The following PRC1 variants were observed in gnomAD, a reference collection of about 807,000 sequenced individuals.
The protein encoded by PRC1 is anaphase spindle elongation 1 homolog.
In PRC1, 54 loss-of-function variants were observed where a neutral mutation model predicts 91.2. The ratio of observed to expected loss-of-function variants is 0.59; its 90% CI spans 0.48 to 0.74. The LOEUF is 0.74. Ranked by LOEUF, PRC1 falls within the 30% of genes least tolerant of loss-of-function variation. PRC1 has a pLI of 0.00. For synonymous variants in PRC1, 275 were observed against 263.6 expected (o/e 1.04, Z -0.42); for missense variants, 727 against 746.2 (o/e 0.97, Z 0.30).
In PRC1 at chr15:90,974,603, CTCTT is replaced by C; in HGVS notation, c.1328_1331del (p.Lys443ArgfsTer9). 1 of 1,614,224 alleles carries C rather than the reference CTCTT, an allele frequency of 6.2e-7. No individual in the cohort carries two copies. Among genetic ancestry groups the C allele is most frequent in the Non-Finnish European group, 8.5e-7 (1 of 1,180,044 alleles). Reference sequence around the variant, plus strand: ...CACTTACTCTTTCCTGCTTGGCTCTCTCTTTCTCCAATCGATGCATCTCCCATTG... The same window carrying C: ...CACTTACTCTTTCCTGCTTGGCTCTCTCTCCAATCGATGCATCTCCCATTG... On this transcript the variant is annotated frameshift_variant, in exon 10 of 15. Coordinates refer to ENST00000394249, the MANE Select transcript of PRC1 (RefSeq NM_003981.4). LOFTEE classifies it high-confidence loss of function. This position sits in a 1 kb window ranked among gnomAD's most constrained non-coding sequence, Gnocchi z 4.6.
chr15:90,968,928 G>C, intron 14 of PRC1, 151 bp downstream of exon 14: 1 of 1,475,996 alleles, frequency 6.8e-7, no homozygotes, highest in Non-Finnish European at 9.0e-7. Flanking sequence ...ATGTAAATCA[G>C]ATGTGTTTTT....
At chr15:90,976,058 G>A (rs2038661904) in intron 9 of PRC1, among the ~76,000 whole-genome samples, 1 of 151,998 alleles carries the variant, frequency 6.6e-6, no homozygotes, top group Admixed American at 6.6e-5. Flanking sequence ...TGCTGTTGTC[G>A]AAACTGCCCA....
rs1596293111 is a variant in PRC1 at position 90,974,250 on chromosome 15, T to C, written c.1351-4A>G. On this transcript the variant is annotated splice_region_variant and splice_polypyrimidine_tract_variant and intron_variant, in intron 10 of 14. Coordinates refer to ENST00000394249, the MANE Select transcript of PRC1 (RefSeq NM_003981.4). This position sits in a 1 kb window ranked among gnomAD's most constrained non-coding sequence, Gnocchi z 4.6. The stretch of plus-strand genomic sequence containing the variant: ...TCTGTTTTTTGTTCTTCAGTTGCTG[T>C]GTGAAAGTCAGAAGCAACAGTGATA... 6.2e-7 allele frequency: 1 copy of C among 1,609,832 alleles called. No homozygotes were observed. Among genetic ancestry groups the C allele is most frequent in the Non-Finnish European group, 8.5e-7 (1 of 1,176,106 alleles).
chr15:90,983,897 A>G lies in PRC1; in HGVS notation c.267+121T>C. On this transcript the variant is annotated intron_variant, in intron 3 of 14. Coordinates refer to ENST00000394249, the MANE Select transcript of PRC1 (RefSeq NM_003981.4). ...ATTAACTACACAGCATGTTTTCCCC[A>G]CTTCTTACGTCTAGCTCCATCCCTA... is the stretch of plus-strand genomic sequence containing the variant. The G allele has an allele frequency of 4.5e-6, 6 of 1,326,672 alleles. No individual in the cohort carries two copies. The South Asian group carries it at 9.4e-5, about 21-fold the overall frequency. The allele number at this position is 1,326,672 out of a possible 1,614,324, so 82.2% of individuals were successfully genotyped here. A position where few individuals can be genotyped will look rare whatever the true frequency, so the allele number is the denominator to read the frequency against.
chr15:90,976,726 G>GA lies in PRC1; in HGVS notation c.1152dup (p.Leu385SerfsTer27). 1.9e-6 allele frequency: 3 copies of GA among 1,613,698 alleles called. No homozygotes were observed. The highest frequency in any genetic ancestry group is 2.5e-6 in the Non-Finnish European group (3 of 1,179,710). ...GCTCGTTGTTTTTCTTCTTTTAGAA[G>GA]ATTTCCTCCTCGGTTTGTAAATCGA... On this transcript the variant is annotated frameshift_variant, in exon 9 of 15. Coordinates refer to ENST00000394249, the MANE Select transcript of PRC1 (RefSeq NM_003981.4). LOFTEE classifies it high-confidence loss of function.
At chr15:90,987,002 G>A (rs60212588) in intron 1 of PRC1, among the ~76,000 whole-genome samples, 1,574 of 151,562 alleles carry the variant, frequency 0.01, 28 homozygotes, top group African/African-American at 0.036. Flanking sequence ...GGCCAGGCAC[G>A]GTAGTTCACG....
At chr15:90,986,991 T>C (rs112599688) in intron 1 of PRC1, among the ~76,000 whole-genome samples, 1 of 151,334 alleles carries the variant, frequency 6.6e-6, no homozygotes, top group African/African-American at 2.4e-5. Flanking sequence ...CAGGCAAAAC[T>C]GGCCAGGCAC....
At chr15:90,972,341 C>T (rs1381663319) in intron 11 of PRC1, among the ~76,000 whole-genome samples, 1 of 152,010 alleles carries the variant, frequency 6.6e-6, no homozygotes, top group African/African-American at 2.4e-5. Flanking sequence ...CATGATGGCG[C>T]CACTGCACTC....
intron 9 of PRC1, among the ~76,000 whole-genome samples, chr15:90,975,378 G>C (rs776395110): frequency 6.6e-6 from 1 of 152,078 alleles, no homozygotes; most frequent in Non-Finnish European, 1.5e-5. Context: ...CACCACGCCC[G>C]GCCAGATTTA....
chr15:90,989,497 C>T (rs1359274029), intron 1 of PRC1, among the ~76,000 whole-genome samples: 6 of 150,076 alleles, frequency 4.0e-5, no homozygotes, highest in East Asian at 2.0e-4. Flanking sequence ...CCTCCCACCT[C>T]GGCCTCCCAA....
intron 1 of PRC1, among the ~76,000 whole-genome samples, chr15:90,989,512 T>C (rs756753848): frequency 2.0e-5 from 3 of 150,830 alleles, no homozygotes; most frequent in Non-Finnish European, 3.0e-5. Context: ...TCCCAAAGTG[T>C]TGGGATAACA....
intron 14 of PRC1, 82 bp from the exon 15 acceptor site, chr15:90,967,284 C>G: frequency 8.5e-7 from 1 of 1,172,222 alleles, no homozygotes; most frequent in Admixed American, 1.8e-5. Context: ...TAAGTGTCAG[C>G]AAAAGGTCCC....
chr15:90,980,794 C>T, intron 6 of PRC1, 90 bp downstream of exon 6: 1 of 1,561,212 alleles, frequency 6.4e-7, no homozygotes, highest in Non-Finnish European at 8.7e-7. Context: ...GCATGAACCA[C>T]TGAGCCTGGC....
At chr15:90,990,980 T>C (rs1030562903) in intron 1 of PRC1, among the ~76,000 whole-genome samples, 7 of 149,888 alleles carry the variant, frequency 4.7e-5, no homozygotes, top group Admixed American at 3.3e-4. Context: ...GGTTTCACCA[T>C]GTTGGTCAGG....
In PRC1 at chr15:90,968,202, G is replaced by C; in HGVS notation, c.1791+877C>G. On this transcript the variant is annotated intron_variant, in intron 14 of 14. Transcript: ENST00000394249. ...GGGCCTTGGTTGAACAAGCGAAAAA[G>C]AGAAAGCTGGACCTCTGTCCAGCAA... The C allele has an allele frequency of 6.1e-6, 6 of 985,430 alleles. No individual in the cohort carries two copies. The South Asian group carries it at 2.8e-4, about 46-fold the overall frequency. The allele number at this position is 985,430 out of a possible 1,614,324, so 61.0% of individuals were successfully genotyped here. A position where few individuals can be genotyped will look rare whatever the true frequency, so the allele number is the denominator to read the frequency against.
rs1280985911 is a variant in PRC1, at chr15:90,974,086, AC to A, written c.1461+49del. ...CCCCTTCAAAGAGGTGGCTGGGACT[AC>A]CCTCACCCACTCCCTTGAAATCAGT... On this transcript the variant is annotated intron_variant, in intron 11 of 14. Transcript: ENST00000394249. The surrounding 1 kb of genome is among the most constrained non-coding windows in gnomAD (Gnocchi z 4.6). 6.6e-7 allele frequency: 1 copy of A among 1,524,526 alleles called. No homozygotes were observed. The highest frequency in any genetic ancestry group is 9.1e-7 in the Non-Finnish European group (1 of 1,099,772). The allele number at this position is 1,524,526 out of a possible 1,614,324, so 94.4% of individuals were successfully genotyped here. A position where few individuals can be genotyped will look rare whatever the true frequency, so the allele number is the denominator to read the frequency against.
At chr15:90,987,397 G>A (rs570569800) in intron 1 of PRC1, among the ~76,000 whole-genome samples, 1 of 152,266 alleles carries the variant, frequency 6.6e-6, no homozygotes, top group African/African-American at 2.4e-5. Flanking sequence ...GCTTACACAG[G>A]TGCATCAACT....
chr15:90,979,721 C>A (rs2039030519), intron 7 of PRC1, among the ~76,000 whole-genome samples: 1 of 152,184 alleles, frequency 6.6e-6, no homozygotes, highest in Non-Finnish European at 1.5e-5. Flanking sequence ...GAGTCAAGCT[C>A]CTTTTGGCTC....
chr15:90,968,081 C>CT (rs2037689625), intron 14 of PRC1: 1 of 985,472 alleles, frequency 1.0e-6, no homozygotes, highest in African/African-American at 1.7e-5. Context: ...TTGGTGCTGC[C>CT]TGGTGGAGTC....
Sources: gnomAD v4.1 joint callset for allele counts (sites outside exome capture counted in the v4.1 genomes callset) on GRCh38, gnomAD v4.1.1 for gene constraint, Gnocchi (gnomAD v3.1) non-coding constraint, MANE v1.5 for transcripts, NCBI Gene and HGNC (gene_info 2026-07-23, HGNC 2026-07-21) for gene names.